Variants in CIROZ observed in about 807,000 individuals in gnomAD.
The protein encoded by CIROZ is ciliated left-right organizer ZP-N domains-containing protein.
chr1:10,952,976 A>G, the CIROZ span, among the ~76,000 whole-genome samples: 1 of 152,232 alleles, frequency 6.6e-6, no homozygotes, highest in Non-Finnish European at 1.5e-5. Flanking sequence ...GCTTTCCAAG[A>G]TTAATGTCAT....
At chr1:10,966,606 T>G in the CIROZ span, 1 of 1,077,156 alleles carries the variant, frequency 9.3e-7, no homozygotes, top group African/African-American at 1.6e-5. Context: ...CTGGAAGGGA[T>G]AAAAATAGCA....
At chr1:10,964,044 C>G in the CIROZ span, 5 of 1,530,388 alleles carry the variant, frequency 3.3e-6, no homozygotes, top group East Asian at 9.1e-5. Context: ...GGTGCAGGAG[C>G]CAGGGCCACC....
At chr1:10,970,947 C>G in the CIROZ span, among the ~76,000 whole-genome samples, 1 of 148,808 alleles carries the variant, frequency 6.7e-6, no homozygotes, top group Non-Finnish European at 1.5e-5. Flanking sequence ...AAGTTCGAGA[C>G]CAGCCTGGGC....
the CIROZ span, chr1:10,948,930 G>T: frequency 2.4e-5 from 32 of 1,317,318 alleles, no homozygotes; most frequent in Middle Eastern, 1.2e-3. Context: ...TCAACCCAAA[G>T]ATGGGTTCGA....
chr1:10,954,086 C>T, the CIROZ span: 1 of 1,613,816 alleles, frequency 6.2e-7, no homozygotes, highest in Non-Finnish European at 8.5e-7. Flanking sequence ...ATTCCAGGCT[C>T]AGGTCTACCC....
chr1:10,965,319 G>C, the CIROZ span, among the ~76,000 whole-genome samples: 6 of 152,082 alleles, frequency 3.9e-5, no homozygotes, highest in African/African-American at 1.4e-4. Flanking sequence ...AAGGAAGGGA[G>C]CACAAAGAAA....
At chr1:10,956,490 T>C in the CIROZ span, among the ~76,000 whole-genome samples, 1 of 151,646 alleles carries the variant, frequency 6.6e-6, no homozygotes, top group South Asian at 2.1e-4. Context: ...TTTTTTTTTT[T>C]TTTGAGATGG....
the CIROZ span, among the ~76,000 whole-genome samples, chr1:10,978,868 C>T: frequency 3.3e-5 from 5 of 152,048 alleles, no homozygotes; most frequent in Non-Finnish European, 7.4e-5. Context: ...ACAGAGGGGC[C>T]GCTGGTGGGC....
chr1:10,964,427 C>T, the CIROZ span, among the ~76,000 whole-genome samples: 2 of 152,156 alleles, frequency 1.3e-5, no homozygotes, highest in African/African-American at 2.4e-5. Context: ...AGACCAAGGT[C>T]GACACCAACA....
chr1:10,969,848 G>C, the CIROZ span: 1 of 1,378,158 alleles, frequency 7.3e-7, no homozygotes. Context: ...GGTGGCCTTT[G>C]AGCAGAGATT....
chr1:10,975,407 G>GAAAAAAAAAA, the CIROZ span, among the ~76,000 whole-genome samples: 4 of 78,832 alleles, frequency 5.1e-5, no homozygotes, highest in Non-Finnish European at 5.7e-5. Flanking sequence ...CTCTGTCTCA[G>GAAAAAAAAAA]AAAAAAAAAA....
At chr1:10,948,019 G>C in the CIROZ span, 1 of 1,613,414 alleles carries the variant, frequency 6.2e-7, no homozygotes, top group Non-Finnish European at 8.5e-7. Flanking sequence ...GGTGGCAGAG[G>C]TTCCATAGGA....
At chr1:10,952,136 T>C in the CIROZ span, among the ~76,000 whole-genome samples, 1 of 152,226 alleles carries the variant, frequency 6.6e-6, no homozygotes, top group Non-Finnish European at 1.5e-5. Context: ...CTGATCTGAA[T>C]GAATTCATAC....
chr1:10,967,155 G>GA, the CIROZ span, among the ~76,000 whole-genome samples: 1,444 of 116,200 alleles, frequency 0.012, 19 homozygotes, highest in African/African-American at 0.033. Flanking sequence ...TCCAAAAAAA[G>GA]AAAAAAAAAA....
chr1:10,974,649 A>G, the CIROZ span, among the ~76,000 whole-genome samples: 2 of 152,270 alleles, frequency 1.3e-5, no homozygotes, highest in South Asian at 4.1e-4. The surrounding 1 kb of genome is among the most constrained non-coding windows in gnomAD (Gnocchi z 4.4). Context: ...CAGGACAAGA[A>G]CTCCAAGAAC....
chr1:10,962,379 G>A, the CIROZ span, among the ~76,000 whole-genome samples: 2 of 152,234 alleles, frequency 1.3e-5, no homozygotes, highest in African/African-American at 2.4e-5. Flanking sequence ...CCCAGGAGGC[G>A]AAAGTTGCAG....
At chr1:10,976,261 G>A in the CIROZ span, 5,366 of 1,532,368 alleles carry the variant, frequency 3.5e-3, 29 homozygotes, top group South Asian at 0.011. Flanking sequence ...ACGGCCCTGC[G>A]GGAGAGGAGG....
chr1:10,949,443 C>T, the CIROZ span: 1 of 783,416 alleles, frequency 1.3e-6, no homozygotes, highest in Non-Finnish European at 2.0e-6. Context: ...GGGGGCCCAG[C>T]TTTCTATGGG....
the CIROZ span, among the ~76,000 whole-genome samples, chr1:10,957,934 G>C: frequency 3.9e-5 from 6 of 152,196 alleles, no homozygotes; most frequent in Non-Finnish European, 7.3e-5. Flanking sequence ...ACGCTAGCAC[G>C]CTTATACTTT....
Sources: allele counts gnomAD v4.1 joint callset (sites outside exome capture counted in the v4.1 genomes callset), GRCh38; gene constraint gnomAD v4.1.1; non-coding constraint Gnocchi (gnomAD v3.1); transcripts MANE v1.5; gene names NCBI Gene and HGNC (gene_info 2026-07-23, HGNC 2026-07-21).